Variants in DLG2 observed in about 807,000 individuals in gnomAD.
DLG2 encodes the protein disks large homolog 2.
A neutral mutation model predicts 132.5 loss-of-function variants in DLG2; 45 were observed. The ratio of observed to expected loss-of-function variants is 0.34; its 90% CI spans 0.27 to 0.44. DLG2 has a LOEUF of 0.44. DLG2 is among the 20% of genes least tolerant of loss of function. DLG2 has a pLI of 1.00. For synonymous variants in DLG2, 424 were observed against 419.6 expected, an observed-to-expected ratio of 1.01 and a Z score of -0.13; for missense variants, 1,045 against 1,196.9, an observed-to-expected ratio of 0.87 and a Z score of 1.87.
chr11:84,834,687 G>C (rs559540262), intron 6 of DLG2, among the ~76,000 whole-genome samples: 3 of 151,388 alleles, frequency 2.0e-5, no homozygotes, highest in African/African-American at 7.2e-5. Flanking sequence ...CAAACATTTT[G>C]GAGGAATAAG....
chr11:84,421,710 T>C (rs2098951453), intron 7 of DLG2, among the ~76,000 whole-genome samples: 1 of 152,198 alleles, frequency 6.6e-6, no homozygotes. Flanking sequence ...CCTTTTACCA[T>C]CTGGCCCCAG....
intron 14 of DLG2, among the ~76,000 whole-genome samples, chr11:83,937,507 C>CAAAAAA (rs11313794): frequency 1.4e-5 from 1 of 73,810 alleles, no homozygotes; most frequent in Non-Finnish European, 2.8e-5. Flanking sequence ...GACTCCATCT[C>CAAAAAA]AAAAAAAAAA....
At chr11:84,712,387 T>C (rs901344836) in intron 6 of DLG2, among the ~76,000 whole-genome samples, 6 of 152,112 alleles carry the variant, frequency 3.9e-5, no homozygotes, top group African/African-American at 1.4e-4. Flanking sequence ...TGCAGCCTGC[T>C]TGTTTGGGAC....
chr11:83,588,292 C>G (rs573818409), intron 19 of DLG2, among the ~76,000 whole-genome samples: 15 of 150,448 alleles, frequency 1.0e-4, no homozygotes, highest in African/African-American at 2.5e-4. Context: ...GATCTGAGAA[C>G]GGGCAGACTG....
chr11:85,416,898 T>C (rs2089908184), intron 3 of DLG2, among the ~76,000 whole-genome samples: 3 of 152,186 alleles, frequency 2.0e-5, no homozygotes, highest in Admixed American at 6.5e-5. Flanking sequence ...ACAGAGACAA[T>C]TTGACTTCCT....
chr11:84,537,299 G>A (rs1350002892), intron 6 of DLG2, among the ~76,000 whole-genome samples: 1 of 151,956 alleles, frequency 6.6e-6, no homozygotes, highest in Non-Finnish European at 1.5e-5. Flanking sequence ...TAGAGCCGGG[G>A]TTTCACCATC....
intron 9 of DLG2, among the ~76,000 whole-genome samples, chr11:84,151,601 G>A (rs2095295216): frequency 6.6e-6 from 1 of 152,018 alleles, no homozygotes; most frequent in African/African-American, 2.4e-5. Context: ...AGGTTAGTTT[G>A]TTCTTGTTTT....
At chr11:84,599,116 A>C (rs2099570067) in intron 6 of DLG2, among the ~76,000 whole-genome samples, 1 of 152,084 alleles carries the variant, frequency 6.6e-6, no homozygotes, top group African/African-American at 2.4e-5. Context: ...ATGATGGTGC[A>C]TGCCTGTAAT....
rs550282851 is a variant in DLG2, at chr11:84,752,576, T to C, written c.358-217845A>G. ...TGGTTTTCTTTTTCTTTTTTTTTTT[T>C]TTTTATTATACTTTAAGTTTTAGGG... On this transcript the variant is annotated intron_variant, in intron 6 of 27. Coordinates refer to ENST00000376104, the MANE Select transcript of DLG2 (RefSeq NM_001142699.3). Among the ~76,000 whole-genome samples the C allele has an allele frequency of 5.3e-4, 80 of 150,868 alleles. 1 individual carries two copies. Among genetic ancestry groups the C allele is most frequent in the African/African-American group, 1.9e-3 (80 of 41,244 alleles).
At chr11:85,482,149 G>A (rs2093311498) in intron 3 of DLG2, among the ~76,000 whole-genome samples, 1 of 151,786 alleles carries the variant, frequency 6.6e-6, no homozygotes, top group Non-Finnish European at 1.5e-5. Context: ...AAAGTCCCAA[G>A]CTTCAGGCCC....
At chr11:85,168,016 G>A (rs1219749690) in intron 4 of DLG2, among the ~76,000 whole-genome samples, 1 of 151,948 alleles carries the variant, frequency 6.6e-6, no homozygotes, top group African/African-American at 2.4e-5. Flanking sequence ...GAAAAAACTG[G>A]GCACAGACAA....
At chr11:85,286,305 A>G (rs991571776) in intron 3 of DLG2, among the ~76,000 whole-genome samples, 3 of 152,138 alleles carry the variant, frequency 2.0e-5, no homozygotes, top group Non-Finnish European at 2.9e-5. Context: ...AGAAAGTTAC[A>G]GGCAAGTAAG....
intron 6 of DLG2, among the ~76,000 whole-genome samples, chr11:84,681,940 T>A (rs1381997244): frequency 1.3e-5 from 2 of 152,134 alleles, no homozygotes; most frequent in African/African-American, 4.8e-5. Flanking sequence ...GGCTTCAGGC[T>A]GCTTGTACTC....
chr11:84,490,332 C>G (rs1357949196), intron 7 of DLG2, among the ~76,000 whole-genome samples: 1 of 152,052 alleles, frequency 6.6e-6, no homozygotes. Flanking sequence ...TTTACAAGTT[C>G]CTTTAAACCA....
chr11:85,169,011 C>T (rs1266579272), intron 4 of DLG2, among the ~76,000 whole-genome samples: 1 of 152,120 alleles, frequency 6.6e-6, no homozygotes, highest in Non-Finnish European at 1.5e-5. Context: ...CAGAAACCTT[C>T]ACAGATACCA....
intron 4 of DLG2, among the ~76,000 whole-genome samples, chr11:85,261,232 G>A (rs549571172): frequency 6.6e-6 from 1 of 152,244 alleles, no homozygotes; most frequent in Non-Finnish European, 1.5e-5. Context: ...ATAATGTTAT[G>A]CTGCTGGGGC....
intron 3 of DLG2, among the ~76,000 whole-genome samples, chr11:85,315,832 C>T (rs769875019): frequency 6.6e-6 from 1 of 151,922 alleles, no homozygotes; most frequent in Non-Finnish European, 1.5e-5. Flanking sequence ...TTAAAAACTG[C>T]CTCTTCACCT....
chr11:85,035,943 T>C (rs2061400556), intron 6 of DLG2, among the ~76,000 whole-genome samples: 1 of 152,360 alleles, frequency 6.6e-6, no homozygotes, highest in South Asian at 2.1e-4. Context: ...CTTCTCACTC[T>C]ACTTCAGCTT....
chr11:85,467,295 C>T (rs1444698900), intron 3 of DLG2, among the ~76,000 whole-genome samples: 1 of 152,074 alleles, frequency 6.6e-6, no homozygotes, highest in African/African-American at 2.4e-5. Flanking sequence ...ATTGAATACC[C>T]GTTATTTCCT....
Sources: gnomAD v4.1 joint callset for allele counts (sites outside exome capture counted in the v4.1 genomes callset) on GRCh38, gnomAD v4.1.1 for gene constraint, MANE v1.5 for transcripts, NCBI Gene and HGNC (gene_info 2026-07-23, HGNC 2026-07-21) for gene names.